The following FAM107B variants were observed in gnomAD, a reference collection of about 807,000 sequenced individuals.
FAM107B encodes the protein family with sequence similarity 107 member B, also known as protein FAM107B.
Under a neutral mutation model 31.5 loss-of-function variants are expected in FAM107B, and 21 were observed. The ratio of observed to expected loss-of-function variants is 0.67; its 90% confidence interval spans 0.47 to 0.96. The LOEUF (loss-of-function observed/expected upper bound fraction) is 0.96. Ranked by LOEUF, FAM107B falls within the 40% of genes least tolerant of loss-of-function variation. The probability of loss-of-function intolerance (pLI) is 0.00; values close to 1 mark genes in which losing one functional copy is unlikely to be tolerated. For synonymous variants in FAM107B, 157 were observed against 141.5 expected (o/e 1.11, Z -0.78); for missense variants, 452 against 377.1 (o/e 1.20, Z -1.64).
chr10:14,561,593 G>C lies in FAM107B; in HGVS notation c.470-31078C>G, dbSNP rs188754412. 7.8e-4 allele frequency among the ~76,000 whole-genome samples: 119 copies of C among 152,314 alleles called. 1 individual carries two copies. Among genetic ancestry groups the C allele is most frequent in the African/African-American group, 1.6e-3 (68 of 41,576 alleles). ...AGGCTTCCTACCCTCAAAACCACAGGGGGGAGGGCAAGGGCGAGAGGCCCC... is the reference window on the plus strand; with the variant it reads ...AGGCTTCCTACCCTCAAAACCACAGCGGGGAGGGCAAGGGCGAGAGGCCCC... On this transcript the variant is annotated intron_variant, in intron 2 of 4. Transcript: ENST00000181796.
intron 1 of FAM107B, among the ~76,000 whole-genome samples, chr10:14,701,088 A>G (rs772443445): frequency 9.9e-5 from 15 of 152,188 alleles, no homozygotes; most frequent in Non-Finnish European, 1.5e-4. Context: ...AGCCACTTCT[A>G]TTAAGACATT....
chr10:14,774,389 T>C lies in FAM107B; in HGVS notation c.275A>G (p.Asn92Ser). Residue 92 changes from asparagine (N) to serine (S), a missense_variant, in exon 1 of 5, where the codon AAT (asparagine) becomes AGT (serine). Asn to Ser is a conservative substitution (Grantham distance 46). Transcript: ENST00000181796. The stretch of plus-strand genomic sequence containing the variant: ...CTGGGCCGCAGTGCGGTGACTTGAA[T>C]TCCGATTCGCACTGCCATTTCTCTC... ...HAERNGSANR[N>S]SSHRTAAQPA... 4 of 1,614,232 alleles carry C rather than the reference T, an allele frequency of 2.5e-6. No homozygotes were observed. The highest frequency in any genetic ancestry group is 3.4e-6 in the Non-Finnish European group (4 of 1,180,042).
intron 2 of FAM107B, among the ~76,000 whole-genome samples, chr10:14,659,439 T>TCAAAA (rs59778625): frequency 0.19 from 27,838 of 150,350 alleles, 2,753 homozygotes; most frequent in South Asian, 0.26. Flanking sequence ...AAACTCCGTC[T>TCAAAA]CAAAACAAAA....
At chr10:14,631,392 T>C (rs1442898714) in intron 2 of FAM107B, among the ~76,000 whole-genome samples, 1 of 152,232 alleles carries the variant, frequency 6.6e-6, no homozygotes, top group Non-Finnish European at 1.5e-5. Context: ...TCCTTTTACA[T>C]TGGGTTATCT....
At chr10:14,715,877 C>G (rs1200864959) in intron 1 of FAM107B, among the ~76,000 whole-genome samples, 2 of 152,156 alleles carry the variant, frequency 1.3e-5, no homozygotes, top group Non-Finnish European at 2.9e-5. Flanking sequence ...GTACTCTGAC[C>G]AAATTACACC....
intron 1 of FAM107B, among the ~76,000 whole-genome samples, chr10:14,733,560 G>A (rs1252324975): frequency 6.6e-6 from 1 of 152,074 alleles, no homozygotes; most frequent in Non-Finnish European, 1.5e-5. Context: ...ATATATCATG[G>A]GGCTTTTAAA....
At chr10:14,694,943 A>G (rs1032759733) in intron 1 of FAM107B, among the ~76,000 whole-genome samples, 3 of 152,096 alleles carry the variant, frequency 2.0e-5, no homozygotes, top group Non-Finnish European at 4.4e-5. Flanking sequence ...TTCCCAATGT[A>G]TAGGTTGCTG....
intron 2 of FAM107B, among the ~76,000 whole-genome samples, chr10:14,554,818 G>A (rs921870900): frequency 1.3e-5 from 2 of 152,226 alleles, no homozygotes; most frequent in Admixed American, 6.5e-5. Flanking sequence ...AGCAGAAGCA[G>A]CGATGGGTGG....
intron 2 of FAM107B, among the ~76,000 whole-genome samples, chr10:14,642,137 A>G (rs905726116): frequency 1.3e-5 from 2 of 152,248 alleles, no homozygotes; most frequent in African/African-American, 4.8e-5. Context: ...ACAGACCCCA[A>G]GCAAGTCCAA....
At chr10:14,624,341 T>C (rs760097604) in intron 2 of FAM107B, among the ~76,000 whole-genome samples, 1 of 152,174 alleles carries the variant, frequency 6.6e-6, no homozygotes, top group African/African-American at 2.4e-5. Context: ...CACGGCTTTG[T>C]CTATCCTGCC....
At chr10:14,708,516 A>G (rs1237882541) in intron 1 of FAM107B, among the ~76,000 whole-genome samples, 1 of 152,192 alleles carries the variant, frequency 6.6e-6, no homozygotes, top group Non-Finnish European at 1.5e-5. Context: ...TGAATTTCCC[A>G]GGGAAACGCC....
At chr10:14,678,767 C>A (rs1854753136) in intron 1 of FAM107B, among the ~76,000 whole-genome samples, 1 of 152,158 alleles carries the variant, frequency 6.6e-6, no homozygotes, top group African/African-American at 2.4e-5. Flanking sequence ...GAGAAGGTGA[C>A]AGAAATCACA....
chr10:14,555,705 A>T (rs749721736), intron 2 of FAM107B: 2 of 152,226 alleles, frequency 1.3e-5, no homozygotes, highest in Non-Finnish European at 2.9e-5. Context: ...TCATGGCTTT[A>T]TCAAAGAACA....
intron 2 of FAM107B, chr10:14,663,274 C>G (rs1400093630): frequency 1.3e-5 from 2 of 152,198 alleles, no homozygotes; most frequent in African/African-American, 4.8e-5. Context: ...AGTCTATACT[C>G]CTCAATAAAT....
chr10:14,704,389 C>T (rs1947366), intron 1 of FAM107B, among the ~76,000 whole-genome samples: 146,177 of 152,110 alleles, frequency 0.96, 70,361 homozygotes, highest in African/African-American at 0.99. Flanking sequence ...CTAAGTGTCA[C>T]AGAAGAATCC....
rs1299829895 is a variant in FAM107B, at chr10:14,522,028, G to C, written c.654-9C>G. On this transcript the variant is annotated splice_polypyrimidine_tract_variant and intron_variant, in intron 3 of 4. Transcript: ENST00000181796. ...TCTGAGGAGCAAGACCCCTGCGAAA[G>C]AGCATTAACAAAAATAGAAAACGTT... The C allele has an allele frequency of 6.3e-7, 1 of 1,597,200 alleles. No homozygotes were observed. The highest frequency in any genetic ancestry group is 8.5e-7 in the Non-Finnish European group (1 of 1,176,046).
chr10:14,718,552 G>T (rs1396521810), intron 1 of FAM107B, among the ~76,000 whole-genome samples: 1 of 151,094 alleles, frequency 6.6e-6, no homozygotes, highest in Admixed American at 6.6e-5. Context: ...AGAGAGGAAG[G>T]AAGGAAGGAA....
At chr10:14,729,767 A>G (rs529990613) in intron 1 of FAM107B, among the ~76,000 whole-genome samples, 82 of 152,380 alleles carry the variant, frequency 5.4e-4, no homozygotes, top group Admixed American at 3.8e-3. Flanking sequence ...TATTTACAAT[A>G]GCAAAGACTT....
intron 2 of FAM107B, among the ~76,000 whole-genome samples, chr10:14,618,752 G>T (rs932647167): frequency 6.6e-6 from 1 of 152,078 alleles, no homozygotes; most frequent in African/African-American, 2.4e-5. Flanking sequence ...CAGGAGAGTC[G>T]CTTGAACCCG....
Sources: allele counts gnomAD v4.1 joint callset (sites outside exome capture counted in the v4.1 genomes callset), GRCh38; gene constraint gnomAD v4.1.1; transcripts MANE v1.5; gene names NCBI Gene and HGNC (gene_info 2026-07-23, HGNC 2026-07-21).